ENPP2: variants seen among roughly 807,000 people sequenced by gnomAD.
The protein encoded by ENPP2 is autotaxin.
Under a neutral mutation model 120.2 loss-of-function variants are expected in ENPP2, and 51 were observed. The ratio of observed to expected loss-of-function variants is 0.42; its 90% CI spans 0.34 to 0.54. ENPP2 has a LOEUF of 0.54. ENPP2 is among the 20% of genes least tolerant of loss of function. ENPP2 has a pLI of 0.04. For synonymous variants in ENPP2, 365 were observed against 366.4 expected (o/e 1.00, Z 0.04); for missense variants, 920 against 1,066.5 (o/e 0.86, Z 1.91).
At position 119,619,279 on chromosome 8, in the gene ENPP2, G is replaced by A. The variant is rs142809289; in HGVS notation, c.444C>T (p.Asp148=). ...CKGESHWVDD[D]CEEIKAAECP... ...ATTCTGCGGCCTTTATTTCCTCACA[G>A]TCATCATCAACCCAATGCGACTCTC... The change falls in exon 5 of 25, where the codon GAC becomes GAT. Residue 148 remains aspartate (D), a synonymous_variant. Coordinates refer to ENST00000075322, the MANE Select transcript of ENPP2 (RefSeq NM_001040092.3). 2.7e-5 allele frequency: 44 copies of A among 1,612,490 alleles called. No homozygotes were observed. The highest frequency in any genetic ancestry group is 3.4e-5 in the Non-Finnish European group (40 of 1,178,804).
At chr8:119,614,653 A>G (rs983910266) in intron 8 of ENPP2, among the ~76,000 whole-genome samples, 55 of 152,332 alleles carry the variant, frequency 3.6e-4, no homozygotes, top group African/African-American at 1.3e-3. Context: ...CACTTGGTGT[A>G]AGGTGATCCA....
rs1813692480 is a variant in ENPP2 at position 119,593,671 on chromosome 8, T to C, written c.1081+81A>G. 5 of 900,262 alleles carry C rather than the reference T, an allele frequency of 5.6e-6. 1 individual carries two copies. The highest frequency in any genetic ancestry group is 4.4e-4 in the Middle Eastern group (2 of 4,512). The allele number at this position is 900,262 out of a possible 1,614,324, so 55.8% of individuals were successfully genotyped here. On this transcript the variant is annotated intron_variant, in intron 12 of 24. Transcript: ENST00000075322. ...AGGTTAAGAATGGAGTCTTGGCTTC[T>C]AAGGGCAAGGATTCTTTTCCTCAAT...
intron 11 of ENPP2, among the ~76,000 whole-genome samples, chr8:119,594,982 C>T (rs1813787783): frequency 6.6e-6 from 1 of 152,094 alleles, no homozygotes; most frequent in Non-Finnish European, 1.5e-5. Context: ...CAAGTCCTAT[C>T]CCAAGGAGGA....
intron 19 of ENPP2, chr8:119,572,131 G>A: frequency 9.4e-7 from 1 of 1,067,900 alleles, no homozygotes; most frequent in Non-Finnish European, 1.4e-6. Context: ...TAGTACTTAG[G>A]GGCAGTAAAA....
Position 119,617,077 on chromosome 8 carries a change from C to T in ENPP2, c.657+87G>A, listed in dbSNP as rs1336698665. On this transcript the variant is annotated intron_variant, in intron 7 of 24. Coordinates refer to ENST00000075322, the MANE Select transcript of ENPP2 (RefSeq NM_001040092.3). ...AAGATTTTCTTTGAACACTAAGGAACACGTTTTAAAAGTAAAGTCTCTCCT... is the reference window on the plus strand; with the variant it reads ...AAGATTTTCTTTGAACACTAAGGAATACGTTTTAAAAGTAAAGTCTCTCCT... The T allele has an allele frequency of 3.5e-6, 3 of 851,820 alleles. No individual in the cohort carries two copies. The Admixed American group carries it at 5.7e-5, about 16-fold the overall frequency. The allele number at this position is 851,820 out of a possible 1,614,324, so 52.8% of individuals were successfully genotyped here.
chr8:119,630,895 T>TC (rs911632013), intron 2 of ENPP2, among the ~76,000 whole-genome samples: 4 of 152,000 alleles, frequency 2.6e-5, no homozygotes, highest in African/African-American at 9.7e-5. Flanking sequence ...TTTTTTTTTT[T>TC]CTTTTTTTTC....
At chr8:119,569,403 G>A (rs12544233) in intron 20 of ENPP2, 33 bp from the exon 21 acceptor site, 574,086 of 1,607,198 alleles carry the variant, frequency 0.36, 104,761 homozygotes, top group South Asian at 0.46. Flanking sequence ...CAGCAATGCC[G>A]TGGCTCTGTT....
At chr8:119,642,905 T>G (rs1817324940), upstream of ENPP2, among the ~76,000 whole-genome samples, 1 of 152,224 alleles carries the variant, frequency 6.6e-6, no homozygotes, top group Non-Finnish European at 1.5e-5. Flanking sequence ...GATAGAAGGT[T>G]GTCGTTCTTG....
intron 1 of ENPP2, among the ~76,000 whole-genome samples, chr8:119,669,187 T>C (rs1818168617): frequency 6.6e-6 from 1 of 152,172 alleles, no homozygotes; most frequent in Non-Finnish European, 1.5e-5. Context: ...GACATTCACA[T>C]GTCAATCCAT....
At chr8:119,639,123 A>G (rs1455730604), upstream of ENPP2, among the ~76,000 whole-genome samples, 2 of 152,168 alleles carry the variant, frequency 1.3e-5, no homozygotes, top group Admixed American at 1.3e-4. Flanking sequence ...TCACAAAAAC[A>G]TGGTTTGTCA....
chr8:119,594,389 T>C (rs945520800), intron 11 of ENPP2, among the ~76,000 whole-genome samples: 3 of 152,224 alleles, frequency 2.0e-5, no homozygotes, highest in African/African-American at 7.2e-5. Flanking sequence ...AGCAATAGAT[T>C]CTTAACAGAA....
At chr8:119,631,272 A>G (rs953241865) in intron 2 of ENPP2, among the ~76,000 whole-genome samples, 1 of 120,722 alleles carries the variant, frequency 8.3e-6, no homozygotes, top group African/African-American at 3.3e-5. Flanking sequence ...GCTGGAGTGC[A>G]GTGGCGCAAT....
rs142924657 is a variant in ENPP2, at chr8:119,582,540, G to T, written c.1606C>A (p.Arg536Ser). 9 of 1,613,178 alleles carry T rather than the reference G, an allele frequency of 5.6e-6. No homozygotes were observed. Among genetic ancestry groups the T allele is most frequent in the Non-Finnish European group, 7.6e-6 (9 of 1,179,278 alleles). Residue 536 changes from arginine (R) to serine (S), a missense_variant, in exon 18 of 25, where the codon CGC (arginine) becomes AGC (serine). Physicochemically the swap from Arg to Ser is moderately radical, Grantham distance 110. Transcript: ENST00000075322. ...ATGGTTGGCCTGAAGGTATTAGTGC[G>T]CAGGAGATGATTCAAACTTCCATGG... ...GTHGSLNHLL[R>S]TNTFRPTMPE...
intron 20 of ENPP2, among the ~76,000 whole-genome samples, chr8:119,569,625 G>A (rs1814785540): frequency 6.6e-6 from 1 of 151,722 alleles, no homozygotes; most frequent in African/African-American, 2.4e-5. Context: ...ATAGAAAGCA[G>A]AACATAAAGC....
At chr8:119,667,451 A>G (rs928856505) in intron 1 of ENPP2, among the ~76,000 whole-genome samples, 24 of 152,166 alleles carry the variant, frequency 1.6e-4, no homozygotes, top group African/African-American at 5.3e-4. Flanking sequence ...CTGCCCTCTC[A>G]AAGACAAACA....
intron 2 of ENPP2, among the ~76,000 whole-genome samples, chr8:119,627,781 G>A (rs897347144): frequency 4.0e-5 from 6 of 151,646 alleles, no homozygotes; most frequent in South Asian, 2.1e-4. Flanking sequence ...AGAATTGCCC[G>A]AACCTGGGAG....
At chr8:119,673,349 C>G (rs1450131788) in exon 1 of ENPP2, 2 of 1,520,544 alleles carry the variant, frequency 1.3e-6, no homozygotes, top group South Asian at 2.4e-5. Flanking sequence ...GACCTGGGAG[C>G]TGTGCTCGGG....
chr8:119,640,962 G>T (rs899096606), upstream of ENPP2, among the ~76,000 whole-genome samples: 1 of 151,986 alleles, frequency 6.6e-6, no homozygotes, highest in African/African-American at 2.4e-5. Context: ...GGTCAGGATG[G>T]TCTCGAACTC....
At chr8:119,591,632 A>T (rs1268219892) in intron 12 of ENPP2, among the ~76,000 whole-genome samples, 6 of 152,178 alleles carry the variant, frequency 3.9e-5, no homozygotes, top group Non-Finnish European at 8.8e-5. Context: ...CAAAGGTTTT[A>T]AAATAAGGAA....
Sources: gnomAD v4.1 joint callset for allele counts (sites outside exome capture counted in the v4.1 genomes callset) on GRCh38, gnomAD v4.1.1 for gene constraint, MANE v1.5 for transcripts, NCBI Gene and HGNC (gene_info 2026-07-23, HGNC 2026-07-21) for gene names.